ZNRF1: variants seen among roughly 807,000 people sequenced by gnomAD.
The protein encoded by ZNRF1 is zinc and ring finger 1.
A neutral mutation model predicts 18.4 loss-of-function variants in ZNRF1; 3 were observed. The observed-to-expected ratio is 0.16, with a 90% CI of 0.07 to 0.42. The LOEUF is 0.42. ZNRF1 is among the 10% of genes least tolerant of loss of function. The pLI is 0.99. For synonymous variants in ZNRF1, 157 were observed against 144.2 expected (o/e 1.09, Z -0.64); for missense variants, 310 against 329.8 (o/e 0.94, Z 0.47).
At chr16:75,035,124 C>A (rs1004660800) in intron 1 of ZNRF1, among the ~76,000 whole-genome samples, 1 of 150,936 alleles carries the variant, frequency 6.6e-6, no homozygotes, top group African/African-American at 2.4e-5. Flanking sequence ...CACCCTCCAC[C>A]CCCCCTCCCC....
chr16:75,056,189 T>C lies in ZNRF1; in HGVS notation c.425-37383T>C, dbSNP rs1174713777. Among the ~76,000 whole-genome samples, 6 of 152,220 alleles carry C rather than the reference T, an allele frequency of 3.9e-5. No individual in the cohort carries two copies. The South Asian group carries it at 8.3e-4, about 21-fold the overall frequency. ...AAGGATCCATAAGGATGAATTGGAA[T>C]CTTCTTCTTAAGAGGTATGGGCTTA... On this transcript the variant is annotated intron_variant, in intron 1 of 4. Coordinates refer to ENST00000335325, the MANE Select transcript of ZNRF1 (RefSeq NM_032268.5).
At chr16:75,069,157 C>G (rs1214111745) in intron 1 of ZNRF1, among the ~76,000 whole-genome samples, 3 of 151,798 alleles carry the variant, frequency 2.0e-5, no homozygotes, top group Admixed American at 6.6e-5. Context: ...TTCAGTGGCA[C>G]TATTGCCTTT....
intron 1 of ZNRF1, among the ~76,000 whole-genome samples, chr16:75,052,326 A>G (rs1172107038): frequency 6.6e-6 from 1 of 151,874 alleles, no homozygotes; most frequent in Non-Finnish European, 1.5e-5. Flanking sequence ...GCTTGAGCCC[A>G]GGAGGCAGAG....
At chr16:75,000,170 G>C in intron 1 of ZNRF1, 75 bp downstream of exon 1, 1 of 1,543,022 alleles carries the variant, frequency 6.5e-7, no homozygotes, top group Non-Finnish European at 8.8e-7. Context: ...GCGTGCCAAG[G>C]TTTGGGAATG....
chr16:75,109,627 G>GT lies in ZNRF1; in HGVS notation c.*1928dup, dbSNP rs2036358664. On this transcript the variant is annotated 3_prime_UTR_variant, in exon 5 of 5. Coordinates refer to ENST00000335325, the MANE Select transcript of ZNRF1 (RefSeq NM_032268.5). ...CTGGGGTGAAGACCTTGGGGCTGTT[G>GT]TGAGTCGGTGGCAGGAACGTGGGCT... 1 of 152,556 alleles carries GT rather than the reference G, an allele frequency of 6.6e-6. No homozygotes were observed. The highest frequency in any genetic ancestry group is 6.5e-5 in the Admixed American group (1 of 15,290). The allele number at this position is 152,556 out of a possible 1,614,324, so 9.5% of individuals were successfully genotyped here.
rs1016148351 is a variant in ZNRF1 at position 75,025,876 on chromosome 16, G to C, written c.424+25781G>C. Among the ~76,000 whole-genome samples the C allele has an allele frequency of 1.1e-4, 16 of 152,252 alleles. No homozygotes were observed. The East Asian group carries it at 2.5e-3, about 24-fold the overall frequency. ...GCTCTAAAAGAAAACACCAGGCAGT[G>C]GGGGGACGGGGTGGGTGGGATTTTA... is the stretch of plus-strand genomic sequence containing the variant. On this transcript the variant is annotated intron_variant, in intron 1 of 4. Transcript: ENST00000335325.
intron 1 of ZNRF1, among the ~76,000 whole-genome samples, chr16:75,007,315 A>G (rs905614148): frequency 2.6e-4 from 40 of 152,092 alleles, no homozygotes; most frequent in Admixed American, 6.6e-5. Flanking sequence ...TCAGCCTCCT[A>G]AAGTGCTGGG....
chr16:75,104,945 C>A, intron 3 of ZNRF1, 56 bp downstream of exon 3: 5 of 1,401,990 alleles, frequency 3.6e-6, no homozygotes, highest in Non-Finnish European at 4.9e-6. Flanking sequence ...GGGGCGGACC[C>A]CCATCTCCAG....
At chr16:75,055,709 C>T (rs533374350) in intron 1 of ZNRF1, among the ~76,000 whole-genome samples, 2 of 152,156 alleles carry the variant, frequency 1.3e-5, no homozygotes, top group Non-Finnish European at 2.9e-5. Flanking sequence ...GACTTGACCT[C>T]GGGACCCTAC....
intron 1 of ZNRF1, among the ~76,000 whole-genome samples, chr16:75,009,412 T>C (rs536237220): frequency 7.2e-5 from 11 of 152,356 alleles, no homozygotes; most frequent in African/African-American, 2.2e-4. Context: ...CTATTTCACT[T>C]AGCGTAGTGT....
chr16:75,102,722 G>T (rs1184322663), intron 2 of ZNRF1, among the ~76,000 whole-genome samples: 1 of 152,086 alleles, frequency 6.6e-6, no homozygotes, highest in African/African-American at 2.4e-5. Flanking sequence ...CCAAACCTCA[G>T]CTCTAGGCTT....
At chr16:75,098,302 G>C (rs1243882821) in intron 2 of ZNRF1, among the ~76,000 whole-genome samples, 4 of 152,250 alleles carry the variant, frequency 2.6e-5, no homozygotes, top group Non-Finnish European at 5.9e-5. Context: ...CTACAGGAAA[G>C]AGGACTGTGG....
Position 74,999,839 on chromosome 16 carries a change from C to A in ZNRF1, c.168C>A (p.Gly56=). ...GCCGCTCGGTCAGCTCGGTGGCAGG[C>A]ATGGGCATGGACCCCAGCACGGCCG... ...LRSRSVSSVA[G]MGMDPSTAGG... is the part of the protein sequence containing the mutation. The change falls in exon 1 of 5, where the codon GGC becomes GGA. Residue 56 remains glycine (G), a synonymous_variant. Transcript: ENST00000335325. 6.8e-7 allele frequency: 1 copy of A among 1,473,442 alleles called. No homozygotes were observed. 91.3% of individuals were successfully genotyped at this position (1,473,442 alleles called of 1,614,324 possible).
At position 75,108,942 on chromosome 16, in the gene ZNRF1, CTG is replaced by C. The variant is rs1232191840; in HGVS notation, c.*1245_*1246del. 1 of 185,074 alleles carries C rather than the reference CTG, an allele frequency of 5.4e-6. No homozygotes were observed. Among genetic ancestry groups the C allele is most frequent in the Non-Finnish European group, 1.1e-5 (1 of 90,558 alleles). The allele number at this position is 185,074 out of a possible 1,614,324, so 11.5% of individuals were successfully genotyped here. ...AAGCATCATGGAACCAGTCAGCCCT[CTG>C]TGGAGTCATTGTGCTGGACCTCTGA... On this transcript the variant is annotated 3_prime_UTR_variant, in exon 5 of 5. Transcript: ENST00000335325.
chr16:75,062,240 C>T (rs2035752661), intron 1 of ZNRF1, among the ~76,000 whole-genome samples: 2 of 152,200 alleles, frequency 1.3e-5, no homozygotes, highest in African/African-American at 4.8e-5. Flanking sequence ...GAAGGGAATG[C>T]CTGGTCGTTG....
In ZNRF1 at chr16:75,099,953, T is replaced by A. The variant is rs138672357; in HGVS notation, c.521-4831T>A. Among the ~76,000 whole-genome samples, 5 of 152,300 alleles carry A rather than the reference T, an allele frequency of 3.3e-5. No homozygotes were observed. The East Asian group carries it at 9.6e-4, about 29-fold the overall frequency. Reference sequence around the variant, plus strand: ...AGCCCCAGGGGTGGGGACAGGAAGTTGTACTCAGCCCACTGCAACCTCTTG... The same window carrying A: ...AGCCCCAGGGGTGGGGACAGGAAGTAGTACTCAGCCCACTGCAACCTCTTG... On this transcript the variant is annotated intron_variant, in intron 2 of 4. Transcript: ENST00000335325.
At chr16:75,000,165 C>A (rs2034824099) in intron 1 of ZNRF1, 70 bp downstream of exon 1, 1 of 1,548,978 alleles carries the variant, frequency 6.5e-7, no homozygotes, top group Non-Finnish European at 8.7e-7. Flanking sequence ...CGCGTGCGTG[C>A]CAAGGTTTGG....
intron 1 of ZNRF1, among the ~76,000 whole-genome samples, chr16:75,038,966 G>T (rs765940928): frequency 4.9e-4 from 74 of 152,192 alleles, no homozygotes; most frequent in Middle Eastern, 3.4e-3. Flanking sequence ...TGAATTCCTG[G>T]TAAGAACCAT....
At chr16:75,088,477 A>G (rs2036100063) in intron 1 of ZNRF1, among the ~76,000 whole-genome samples, 1 of 152,340 alleles carries the variant, frequency 6.6e-6, no homozygotes, top group East Asian at 1.9e-4. Flanking sequence ...TCAGGCTACA[A>G]GTTAGCCCGG....
Sources: gnomAD v4.1 joint callset for allele counts (sites outside exome capture counted in the v4.1 genomes callset) on GRCh38, gnomAD v4.1.1 for gene constraint, MANE v1.5 for transcripts, NCBI Gene and HGNC (gene_info 2026-07-23, HGNC 2026-07-21) for gene names.